The following FRMPD4 variants were observed in gnomAD, a reference collection of about 807,000 sequenced individuals.
FRMPD4 encodes the protein FERM and PDZ domain containing 4.
In FRMPD4, 22 loss-of-function variants were observed where a neutral mutation model predicts 94.1. The ratio of observed to expected loss-of-function variants is 0.23; its 90% CI spans 0.17 to 0.33. The LOEUF (loss-of-function observed/expected upper bound fraction) is 0.33. FRMPD4 is among the 10% of genes least tolerant of loss of function. The pLI, the probability that FRMPD4 is intolerant of heterozygous loss-of-function variation, is 1.00. For missense variants in FRMPD4, 1,111 were observed against 1,339.9 expected, an observed-to-expected ratio of 0.83 and a Z score of 2.67; for synonymous variants, 631 against 548.6, an observed-to-expected ratio of 1.15 and a Z score of -2.10.
intron 1 of FRMPD4, among the ~76,000 whole-genome samples, chrX:12,366,965 C>T (rs992758814): frequency 9.0e-6 from 1 of 111,115 alleles, no homozygotes; most frequent in African/African-American, 3.3e-5. Flanking sequence ...CTGCTGCCTG[C>T]GGTGATGGCC....
At chrX:12,394,006 C>A (rs899263828) in intron 1 of FRMPD4, among the ~76,000 whole-genome samples, 6 of 110,889 alleles carry the variant, frequency 5.4e-5, no homozygotes, top group Non-Finnish European at 9.5e-5. Context: ...ATAATGTTAT[C>A]ATCATATAAA....
chrX:12,124,679 A>G (rs1233053713), intron 3 of FRMPD4, among the ~76,000 whole-genome samples: 1 of 112,034 alleles, frequency 8.9e-6, no homozygotes, highest in Non-Finnish European at 1.9e-5. Context: ...AATCTTTCAA[A>G]TATTAATAGC....
At position 11,853,836 on chromosome X, in the gene FRMPD4, C is replaced by T. The variant is rs182023447; in HGVS notation, c.-160-11250C>T. 9.8e-5 allele frequency among the ~76,000 whole-genome samples: 11 copies of T among 112,015 alleles called. No homozygotes were observed. The Admixed American group carries it at 1.0e-3, about 11-fold the overall frequency. On this transcript the variant is annotated intron_variant, in intron 1 of 18. Coordinates refer to the FRMPD4 transcript ENST00000640291. ...TGGTACTGTTCCTACTGAAACTATT[C>T]CAAACAATTGAGGAGGAGGAGGGAC...
intron 1 of FRMPD4, among the ~76,000 whole-genome samples, chrX:12,437,372 A>G (rs1013542610): frequency 9.2e-6 from 1 of 108,319 alleles, no homozygotes; most frequent in Admixed American, 1.0e-4. Flanking sequence ...TCCAGGTAGT[A>G]TTTATTTAGA....
chrX:12,257,624 A>T (rs984660460), intron 1 of FRMPD4, among the ~76,000 whole-genome samples: 1 of 111,633 alleles, frequency 9.0e-6, no homozygotes, highest in African/African-American at 3.3e-5. Context: ...GAACATGGGA[A>T]TATTTTTTGG....
chrX:11,836,718 T>C (rs762770926), intron 1 of FRMPD4, among the ~76,000 whole-genome samples: 83 of 112,105 alleles, frequency 7.4e-4, no homozygotes, highest in Non-Finnish European at 1.4e-3. Context: ...CCAATTGTTA[T>C]GCTCTGATGA....
At chrX:12,550,974 T>C (rs992002521) in intron 2 of FRMPD4, among the ~76,000 whole-genome samples, 1 of 110,591 alleles carries the variant, frequency 9.0e-6, no homozygotes, top group Non-Finnish European at 1.9e-5. Context: ...TGAATACATA[T>C]GCATATTTTA....
At chrX:12,531,380 C>G (rs1463244677) in intron 2 of FRMPD4, among the ~76,000 whole-genome samples, 1 of 111,901 alleles carries the variant, frequency 8.9e-6, no homozygotes, top group Non-Finnish European at 1.9e-5. Context: ...ATATCTCACA[C>G]TAACCTTACC....
chrX:11,959,432 C>T (rs2054273274), intron 3 of FRMPD4, among the ~76,000 whole-genome samples: 1 of 112,281 alleles, frequency 8.9e-6, no homozygotes, highest in African/African-American at 3.2e-5. Flanking sequence ...TCAGGGGTCC[C>T]ATGTACAAAG....
Position 11,876,042 on chromosome X carries a change from A to AT in FRMPD4, c.-29-1848dup, listed in dbSNP as rs370682149. ...AGGCACCCACCACCATGCCCGGCTA[A>AT]TTTTTGTATTTTTAGTAGAGACGGG... On this transcript the variant is annotated intron_variant, in intron 2 of 18. Coordinates refer to the FRMPD4 transcript ENST00000640291. Among the ~76,000 whole-genome samples the AT allele has an allele frequency of 5.8e-3, 624 of 107,978 alleles. 14 individuals carry two copies. The highest frequency in any genetic ancestry group is 0.021 in the African/African-American group (598 of 29,063). 93.8% of individuals were successfully genotyped at this position (107,978 alleles called of 115,157 possible).
intron 5 of FRMPD4, among the ~76,000 whole-genome samples, chrX:12,675,424 TAA>T (rs61184913): frequency 0.046 from 4,109 of 89,711 alleles, 210 homozygotes; most frequent in African/African-American, 0.14. Context: ...TCTTGTGATT[TAA>T]AAAAAAAAAA....
intron 1 of FRMPD4, among the ~76,000 whole-genome samples, chrX:12,238,555 A>C (rs1232917699): frequency 8.9e-6 from 1 of 112,570 alleles, no homozygotes; most frequent in African/African-American, 3.2e-5. Context: ...ACGTTGTGTC[A>C]GTATTATCTG....
chrX:12,373,729 G>T (rs2056193820), intron 1 of FRMPD4, among the ~76,000 whole-genome samples: 1 of 112,368 alleles, frequency 8.9e-6, no homozygotes. Context: ...CCTCTTTATT[G>T]TAAAAATGAT....
chrX:12,359,750 G>A (rs2055955634), intron 1 of FRMPD4, among the ~76,000 whole-genome samples: 1 of 112,146 alleles, frequency 8.9e-6, no homozygotes, highest in African/African-American at 3.2e-5. Context: ...TTACAGGCGT[G>A]AGCCACCGTG....
chrX:12,151,364 G>C (rs773650564), intron 1 of FRMPD4, among the ~76,000 whole-genome samples: 1 of 109,879 alleles, frequency 9.1e-6, no homozygotes, highest in Non-Finnish European at 1.9e-5. Context: ...GGACATGAGT[G>C]GTTCTCCATG....
chrX:12,085,043 G>A (rs932023916), intron 3 of FRMPD4, among the ~76,000 whole-genome samples: 2 of 111,405 alleles, frequency 1.8e-5, no homozygotes, highest in African/African-American at 3.3e-5. Context: ...CTCAGTGCTG[G>A]GAATAAAAGA....
intron 1 of FRMPD4, among the ~76,000 whole-genome samples, chrX:12,225,981 C>G (rs1436934987): frequency 8.9e-6 from 1 of 111,999 alleles, no homozygotes; most frequent in Non-Finnish European, 1.9e-5. Flanking sequence ...TAGTAGCTAC[C>G]TCCTGGGACT....
intron 3 of FRMPD4, among the ~76,000 whole-genome samples, chrX:12,085,930 A>G (rs1244454153): frequency 8.9e-6 from 1 of 112,459 alleles, no homozygotes; most frequent in Non-Finnish European, 1.9e-5. Context: ...TTTATCTTTT[A>G]AAAATTATTT....
chrX:12,082,371 C>T (rs2055069340), intron 3 of FRMPD4, among the ~76,000 whole-genome samples: 1 of 111,934 alleles, frequency 8.9e-6, no homozygotes, highest in Non-Finnish European at 1.9e-5. Flanking sequence ...TCATTTTTCT[C>T]TTGCTACTAC....
Sources: gnomAD v4.1 joint callset for allele counts (sites outside exome capture counted in the v4.1 genomes callset) on GRCh38, gnomAD v4.1.1 for gene constraint, MANE v1.5 for transcripts, NCBI Gene and HGNC (gene_info 2026-07-23, HGNC 2026-07-21) for gene names.